CNOT2: variants seen among roughly 807,000 people sequenced by gnomAD.
The protein encoded by CNOT2 is CC chemokine receptor 4-negative regulator of transcription 2.
A neutral mutation model predicts 72.1 loss-of-function variants in CNOT2; 7 were observed. The observed-to-expected ratio is 0.10, with a 90% confidence interval of 0.06 to 0.18. The LOEUF (loss-of-function observed/expected upper bound fraction) is 0.18, where lower values mean the gene tolerates loss of function less well. Among genes scored for constraint, CNOT2 ranks in the 10% least tolerant of loss-of-function variants. CNOT2 has a pLI of 1.00. For missense variants in CNOT2, 345 were observed against 660.3 expected (o/e 0.52, Z 5.23); for synonymous variants, 196 against 225.6 (o/e 0.87, Z 1.17).
chr12:70,329,349 G>T, intron 4 of CNOT2, 74 bp from the exon 5 acceptor site: 3 of 1,242,250 alleles, frequency 2.4e-6, no homozygotes, highest in Admixed American at 1.7e-5. Context: ...GTCTTAAATC[G>T]CCAACTCCAG....
Position 70,278,675 on chromosome 12 carries a change from A to T in CNOT2, c.48+401A>T, listed in dbSNP as rs147485782. 2.5e-3 allele frequency among the ~76,000 whole-genome samples: 380 copies of T among 152,342 alleles called. 1 individual carries two copies. Among genetic ancestry groups the T allele is most frequent in the African/African-American group, 8.8e-3 (368 of 41,590 alleles). ...AACAAAGTATATATCACAGAAATGT[A>T]GACAAAATTGAGTAGAGTATAGAAG... On this transcript the variant is annotated intron_variant, in intron 2 of 15. Transcript: ENST00000229195.
chr12:70,351,536 A>AT (rs1882864320), intron 15 of CNOT2, among the ~76,000 whole-genome samples: 1 of 152,206 alleles, frequency 6.6e-6, no homozygotes, highest in Non-Finnish European at 1.5e-5. Context: ...TATCAAAATT[A>AT]TTTACGCTGC....
intron 6 of CNOT2, 147 bp from the exon 7 acceptor site, chr12:70,332,620 A>C: frequency 1.7e-6 from 2 of 1,156,924 alleles, no homozygotes; most frequent in Non-Finnish European, 2.2e-6. Flanking sequence ...AGTAAAGATA[A>C]AGAATAGATT....
chr12:70,258,056 C>T (rs1349349101), intron 1 of CNOT2, among the ~76,000 whole-genome samples: 1 of 151,990 alleles, frequency 6.6e-6, no homozygotes, highest in Admixed American at 6.5e-5. Context: ...TTGGCTTTTT[C>T]TCTGAAGAAG....
intron 2 of CNOT2, among the ~76,000 whole-genome samples, chr12:70,305,562 T>C (rs1875135231): frequency 6.6e-6 from 1 of 152,230 alleles, no homozygotes; most frequent in Non-Finnish European, 1.5e-5. Context: ...ATTTTAATTG[T>C]TGAAGATCAC....
At chr12:70,287,825 A>G (rs1038421356) in intron 2 of CNOT2, among the ~76,000 whole-genome samples, 2 of 149,834 alleles carry the variant, frequency 1.3e-5, no homozygotes, top group African/African-American at 4.9e-5. Context: ...TTGTGTGTAT[A>G]TTAAGCTATC....
At chr12:70,317,535 TATAG>T (rs1877547925) in intron 3 of CNOT2, among the ~76,000 whole-genome samples, 1 of 151,804 alleles carries the variant, frequency 6.6e-6, no homozygotes, top group African/African-American at 2.4e-5. Context: ...AGTTTAATTG[TATAG>T]ATAAAGGATG....
intron 2 of CNOT2, among the ~76,000 whole-genome samples, chr12:70,302,285 C>T (rs1183678732): frequency 1.3e-5 from 2 of 151,652 alleles, no homozygotes; most frequent in Non-Finnish European, 2.9e-5. Context: ...TCTTGCTTCT[C>T]TAGTTCTTTT....
intron 1 of CNOT2, among the ~76,000 whole-genome samples, chr12:70,253,459 C>T (rs942862999): frequency 6.6e-6 from 1 of 152,046 alleles, no homozygotes; most frequent in Non-Finnish European, 1.5e-5. Context: ...CACTTAGCAC[C>T]TTTTATTTAT....
intron 3 of CNOT2, among the ~76,000 whole-genome samples, chr12:70,314,167 T>TA (rs1876934131): frequency 1.3e-5 from 2 of 152,192 alleles, no homozygotes; most frequent in South Asian, 4.1e-4. Flanking sequence ...GATTGGTTTT[T>TA]ACTGACCTAT....
At position 70,329,469 on chromosome 12, in the gene CNOT2, G is replaced by A; in HGVS notation, c.285G>A (p.Gln95=). 1 of 1,611,932 alleles carries A rather than the reference G, an allele frequency of 6.2e-7. No individual in the cohort carries two copies. Among genetic ancestry groups the A allele is most frequent in the Non-Finnish European group, 8.5e-7 (1 of 1,178,582 alleles). The change falls in exon 5 of 16, where the codon CAG becomes CAA. Residue 95 remains glutamine (Q), a synonymous_variant. Transcript: ENST00000229195. ...PMRGMSNNTP[Q]LNRSLSQGTQ... ...GGGGGATGAGCAACAATACCCCTCA[G>A]TTAAATCGCAGCTTATCACAAGGCA...
At chr12:70,247,038 A>G (rs1045262692) in intron 1 of CNOT2, among the ~76,000 whole-genome samples, 1 of 152,136 alleles carries the variant, frequency 6.6e-6, no homozygotes, top group African/African-American at 2.4e-5. Flanking sequence ...AAAAATGGGA[A>G]ATTTTTCCTT....
chr12:70,315,519 T>C (rs539512226), intron 3 of CNOT2, among the ~76,000 whole-genome samples: 48 of 152,282 alleles, frequency 3.2e-4, no homozygotes, highest in Non-Finnish European at 4.4e-4. Context: ...ATTGCTGTCA[T>C]GGTCATGGAA....
At chr12:70,263,656 A>G (rs1958884814) in intron 1 of CNOT2, among the ~76,000 whole-genome samples, 1 of 152,110 alleles carries the variant, frequency 6.6e-6, no homozygotes. Context: ...GACTGCTTTG[A>G]AGTCTTTATT....
chr12:70,280,865 C>T (rs1416586905), intron 2 of CNOT2, among the ~76,000 whole-genome samples: 1 of 152,156 alleles, frequency 6.6e-6, no homozygotes, highest in Non-Finnish European at 1.5e-5. Context: ...AGTTTATTTG[C>T]AGAGATAGAC....
At chr12:70,268,045 C>T (rs1196237976) in intron 1 of CNOT2, among the ~76,000 whole-genome samples, 3 of 152,216 alleles carry the variant, frequency 2.0e-5, no homozygotes, top group Non-Finnish European at 2.9e-5. Flanking sequence ...GACATGTACA[C>T]ACACATATTT....
intron 2 of CNOT2, among the ~76,000 whole-genome samples, chr12:70,296,651 A>C (rs760856573): frequency 1.1e-4 from 15 of 136,724 alleles, no homozygotes; most frequent in Non-Finnish European, 1.7e-4. Flanking sequence ...TCTCACATGA[A>C]GAGTTTTTTT....
At position 70,347,263 on chromosome 12, in the gene CNOT2, A is replaced by C. The variant is rs575608407; in HGVS notation, c.1536+939A>C. 3.3e-5 allele frequency among the ~76,000 whole-genome samples: 5 copies of C among 152,286 alleles called. No homozygotes were observed. In the East Asian group the frequency reaches 9.6e-4, roughly 29 times the overall value. On this transcript the variant is annotated intron_variant, in intron 15 of 15. Coordinates refer to ENST00000229195, the MANE Select transcript of CNOT2 (RefSeq NM_014515.7). The stretch of plus-strand genomic sequence containing the variant: ...TACTAAAATGATTATTTAAAAAGGT[A>C]AAACATTTTAAGAAGACAATGTAAA...
At chr12:70,275,768 G>C (rs11178165) in intron 1 of CNOT2, among the ~76,000 whole-genome samples, 7,829 of 152,058 alleles carry the variant, frequency 0.051, 692 homozygotes, top group East Asian at 0.44. Flanking sequence ...TCTCATACTT[G>C]TTCCTTTTCA....
Sources: allele counts gnomAD v4.1 joint callset (sites outside exome capture counted in the v4.1 genomes callset), GRCh38; gene constraint gnomAD v4.1.1; transcripts MANE v1.5; gene names NCBI Gene and HGNC (gene_info 2026-07-23, HGNC 2026-07-21).